FAM111B: variants seen among roughly 807,000 people sequenced by gnomAD.
FAM111B encodes serine protease FAM111B.
FAM111B carries 1 observed loss-of-function variant against 2.8 expected under a neutral mutation model. That is an observed-to-expected ratio of 0.36 (90% CI 0.13 to 1.70). The LOEUF (loss-of-function observed/expected upper bound fraction) is 1.70. FAM111B is among the 40% of genes most tolerant of loss of function. The pLI, the probability that FAM111B is intolerant of heterozygous loss-of-function variation, is 0.35. For synonymous variants in FAM111B, 297 were observed against 295.6 expected (o/e 1.00, Z -0.05); for missense variants, 882 against 878.9 (o/e 1.00, Z -0.04).
chr11:59,114,855 A>C (rs541843917), intron 3 of FAM111B, among the ~76,000 whole-genome samples: 5 of 152,100 alleles, frequency 3.3e-5, no homozygotes, highest in Non-Finnish European at 7.4e-5. Flanking sequence ...TATGGGCAGA[A>C]GGGAAAAGAG....
At chr11:59,109,897 C>G (rs142535064) in intron 3 of FAM111B, 191 bp downstream of exon 3, 6 of 370,150 alleles carry the variant, frequency 1.6e-5, no homozygotes, top group African/African-American at 8.3e-5. Context: ...CAATGCTAAA[C>G]GTATGTTAAG....
chr11:59,108,155 A>G (rs1454669099), intron 1 of FAM111B, among the ~76,000 whole-genome samples: 2 of 152,232 alleles, frequency 1.3e-5, no homozygotes, highest in African/African-American at 4.8e-5. Context: ...TCCTTTTTAA[A>G]AAGCTTAGAG....
intron 3 of FAM111B, among the ~76,000 whole-genome samples, chr11:59,120,784 A>G (rs1042298763): frequency 6.6e-6 from 1 of 152,204 alleles, no homozygotes; most frequent in African/African-American, 2.4e-5. Flanking sequence ...TTAACTAAGT[A>G]TATCAACAAG....
chr11:59,121,891 TC>T (rs563162511), intron 3 of FAM111B, among the ~76,000 whole-genome samples: 28 of 152,184 alleles, frequency 1.8e-4, no homozygotes, highest in Non-Finnish European at 3.2e-4. Context: ...ACACCTGTAA[TC>T]CCAGCACTTT....
intron 3 of FAM111B, among the ~76,000 whole-genome samples, chr11:59,121,657 A>C (rs1396419963): frequency 6.6e-6 from 1 of 152,218 alleles, no homozygotes; most frequent in Non-Finnish European, 1.5e-5. Context: ...TTCCACTTCT[A>C]AGTCTATACT....
At chr11:59,112,471 G>T (rs1385201269) in intron 3 of FAM111B, among the ~76,000 whole-genome samples, 1 of 152,142 alleles carries the variant, frequency 6.6e-6, no homozygotes, top group Admixed American at 6.5e-5. Flanking sequence ...GTGAACATTT[G>T]CCTGCAGGTT....
At chr11:59,111,533 G>A (rs186355638) in intron 3 of FAM111B, among the ~76,000 whole-genome samples, 6 of 152,118 alleles carry the variant, frequency 3.9e-5, no homozygotes, top group East Asian at 1.9e-4. Flanking sequence ...GGGCTATTTC[G>A]TTCAAGACAA....
rs1565190291 is a variant in FAM111B, at chr11:59,124,394, A to G, written c.297A>G (p.Ala99=). The G allele has an allele frequency of 6.2e-7, 1 of 1,613,812 alleles. No individual in the cohort carries two copies. The highest frequency in any genetic ancestry group is 8.5e-7 in the Non-Finnish European group (1 of 1,179,844). Residue 99 remains alanine (A), a synonymous_variant, in exon 4 of 4, where the codon GCA becomes GCG. Coordinates refer to ENST00000343597, the MANE Select transcript of FAM111B (RefSeq NM_198947.4). ...AATTAGACCGTAGTGTGTTTACAGC[A>G]TATGGTAAACCCAGCGAGAGTATCT... The part of the protein sequence containing the change: ...SRKLDRSVFT[A]YGKPSESIYS...
In FAM111B at chr11:59,125,631, T is replaced by C. The variant is rs779429040; in HGVS notation, c.1534T>C (p.Cys512Arg). Residue 512 changes from cysteine to arginine, a missense_variant, in exon 4 of 4, where the codon TGT becomes CGT. By Grantham distance (180) the Cys-to-Arg change is radical. Transcript: ENST00000343597. ...TTTGTGGCCAGATATAATTAGCAAA[T>C]GTGCGAAGGTAACCTTCACTTATAC... ...PSLWPDIISKCAKVTFTYTEF... is the reference protein window; with the variant it reads ...PSLWPDIISKRAKVTFTYTEF... 5 of 1,613,884 alleles carry C rather than the reference T, an allele frequency of 3.1e-6. No homozygotes were observed. The highest frequency in any genetic ancestry group is 3.3e-5 in the Admixed American group (2 of 59,994).
At chr11:59,115,126 G>C (rs1182303007) in intron 3 of FAM111B, among the ~76,000 whole-genome samples, 1 of 152,102 alleles carries the variant, frequency 6.6e-6, no homozygotes, top group Non-Finnish European at 1.5e-5. Flanking sequence ...AACATGCCTG[G>C]GTTTTCCTCA....
chr11:59,122,209 A>G (rs995990668), intron 3 of FAM111B, among the ~76,000 whole-genome samples: 1 of 152,236 alleles, frequency 6.6e-6, no homozygotes, highest in South Asian at 2.1e-4. Flanking sequence ...ATTCAGCTGG[A>G]TCTGTTTATA....
chr11:59,124,756 CTA>C lies in FAM111B; in HGVS notation c.661_662del (p.Ile221Ter). 6.2e-7 allele frequency: 1 copy of C among 1,613,748 alleles called. No individual in the cohort carries two copies. The highest frequency in any genetic ancestry group is 8.5e-7 in the Non-Finnish European group (1 of 1,179,810). On this transcript the variant is annotated frameshift_variant, in exon 4 of 4. Transcript: ENST00000343597. LOFTEE classifies it low-confidence loss of function (END_TRUNC). ...TGTATTTATGCCTTGAAGGGTGAGA[CTA>C]TTGAAGGAGCCTTATGCAAGGATGG...
rs185053691 is a variant in FAM111B, at chr11:59,126,020, T to C, written c.1923T>C (p.Tyr641=). ...SEVWNTHTLS[Y]DTCFSDGSSG... Reference sequence around the variant, plus strand: ...TTTGGAACACACACACGCTTAGTTATGATACTTGTTTCTCTGATGGGTCCT... The same window carrying C: ...TTTGGAACACACACACGCTTAGTTACGATACTTGTTTCTCTGATGGGTCCT... Residue 641 remains tyrosine, a synonymous_variant, in exon 4 of 4, where the codon TAT becomes TAC. Transcript: ENST00000343597. 2.5e-6 allele frequency: 4 copies of C among 1,614,002 alleles called. No individual in the cohort carries two copies. Among genetic ancestry groups the C allele is most frequent in the East Asian group, 2.2e-5 (1 of 44,886 alleles).
At chr11:59,119,958 A>G (rs1423075910) in intron 3 of FAM111B, among the ~76,000 whole-genome samples, 1 of 152,208 alleles carries the variant, frequency 6.6e-6, no homozygotes, top group Non-Finnish European at 1.5e-5. Flanking sequence ...ATAAAATATT[A>G]GAATGATTGT....
rs2135404437 is a variant in FAM111B at position 59,124,960 on chromosome 11, G to A, written c.863G>A (p.Ser288Asn). The A allele has an allele frequency of 1.9e-6, 3 of 1,609,778 alleles. No homozygotes were observed. The highest frequency in any genetic ancestry group is 1.7e-6 in the Non-Finnish European group (2 of 1,178,916). The part of the protein sequence containing the change: ...DIHKKIKQNE[S>N]ATDEINHQSL... ...CATAAAAAAATTAAACAGAATGAAA[G>A]TGCCACTGATGAAATTAATCACCAG... Residue 288 changes from serine (S) to asparagine (N), a missense_variant, in exon 4 of 4, where the codon AGT becomes AAT. By Grantham distance (46) the Ser-to-Asn change is conservative (BLOSUM62 1). Coordinates refer to ENST00000343597, the MANE Select transcript of FAM111B (RefSeq NM_198947.4).
At chr11:59,111,289 C>T (rs553232215) in intron 3 of FAM111B, among the ~76,000 whole-genome samples, 5 of 152,162 alleles carry the variant, frequency 3.3e-5, no homozygotes, top group African/African-American at 4.8e-5. Flanking sequence ...CTTAAGCTGT[C>T]ATGAATTCAT....
At chr11:59,118,469 CAG>C (rs571919939) in intron 3 of FAM111B, among the ~76,000 whole-genome samples, 326 of 152,318 alleles carry the variant, frequency 2.1e-3, no homozygotes, top group Non-Finnish European at 3.7e-3. Flanking sequence ...CATATCTTGT[CAG>C]AGTTTTCTTC....
intron 3 of FAM111B, among the ~76,000 whole-genome samples, chr11:59,120,301 A>G (rs1321409956): frequency 1.3e-5 from 2 of 152,224 alleles, no homozygotes; most frequent in Non-Finnish European, 2.9e-5. Flanking sequence ...TCAAGATGTG[A>G]CAATATCTTT....
rs1209564553 is a variant in FAM111B, at chr11:59,125,739, T to C, written c.1642T>C (p.Leu548=). 54 of 1,613,694 alleles carry C rather than the reference T, an allele frequency of 3.3e-5. No individual in the cohort carries two copies. The Admixed American group carries it at 6.2e-4, about 18-fold the overall frequency. ...VSNENLDYAI[L]KLKENGNAFP... The stretch of plus-strand genomic sequence containing the variant: ...CAATGAAAATCTAGATTATGCCATT[T>C]TAAAACTAAAAGAAAATGGAAATGC... Residue 548 remains leucine (L), a synonymous_variant, in exon 4 of 4, where the codon TTA becomes CTA. Coordinates refer to ENST00000343597, the MANE Select transcript of FAM111B (RefSeq NM_198947.4).
Sources: gnomAD v4.1 joint callset for allele counts (sites outside exome capture counted in the v4.1 genomes callset) on GRCh38, gnomAD v4.1.1 for gene constraint, MANE v1.5 for transcripts, NCBI Gene and HGNC (gene_info 2026-07-23, HGNC 2026-07-21) for gene names.